The following NOL10 variants were observed in gnomAD, a reference collection of about 807,000 sequenced individuals.
The protein encoded by NOL10 is nucleolar protein 10.
A neutral mutation model predicts 103.5 loss-of-function variants in NOL10; 58 were observed. The observed-to-expected ratio is 0.56, with a 90% CI of 0.45 to 0.70. The LOEUF (loss-of-function observed/expected upper bound fraction) is 0.70. Among genes scored for constraint, NOL10 ranks in the 30% least tolerant of loss-of-function variants. The pLI is 0.00. For missense variants in NOL10, 763 were observed against 807.3 expected (o/e 0.95, Z 0.67); for synonymous variants, 287 against 282.5 (o/e 1.02, Z -0.16).
intron 4 of NOL10, among the ~76,000 whole-genome samples, chr2:10,674,242 AC>A (rs1366519645): frequency 1.3e-5 from 2 of 151,910 alleles, no homozygotes; most frequent in African/African-American, 4.8e-5. Context: ...AAAAAAAAAA[AC>A]AACAAAGGGT....
chr2:10,654,478 T>C lies in NOL10; in HGVS notation c.973+3A>G. On this transcript the variant is annotated splice_donor_region_variant and intron_variant, in intron 12 of 20. Coordinates refer to ENST00000381685, the MANE Select transcript of NOL10 (RefSeq NM_024894.4). ...CACTGAACGTTCACTACAGAATGCA[T>C]ACCTGAGTTGGGGTAGAGACAAACA... 1 of 1,584,570 alleles carries C rather than the reference T, an allele frequency of 6.3e-7. No individual in the cohort carries two copies. Among genetic ancestry groups the C allele is most frequent in the Non-Finnish European group, 8.6e-7 (1 of 1,163,046 alleles).
chr2:10,670,532 C>T lies in NOL10; in HGVS notation c.464+1022G>A, dbSNP rs753307049. The stretch of plus-strand genomic sequence containing the variant: ...GGTGGATCACCTGAGGTCAGGAGTT[C>T]GAGACCAGCCTGGCCAACAAGGTGA... On this transcript the variant is annotated intron_variant, in intron 6 of 20. Coordinates refer to ENST00000381685, the MANE Select transcript of NOL10 (RefSeq NM_024894.4). 1.3e-3 allele frequency among the ~76,000 whole-genome samples: 194 copies of T among 152,042 alleles called. 2 individuals are homozygous for T. The highest frequency in any genetic ancestry group is 3.7e-4 in the Non-Finnish European group (25 of 68,008).
chr2:10,603,032 T>C (rs1339506482), intron 15 of NOL10, 46 bp downstream of exon 15: 2 of 1,446,192 alleles, frequency 1.4e-6, no homozygotes, highest in Non-Finnish European at 1.9e-6. Context: ...GGCCACAGAC[T>C]GCGCATTAGT....
intron 13 of NOL10, among the ~76,000 whole-genome samples, chr2:10,616,071 C>T (rs1676818593): frequency 6.6e-6 from 1 of 152,118 alleles, no homozygotes; most frequent in Admixed American, 6.6e-5. Context: ...CAGCCCAAAC[C>T]CCTAACACCT....
At chr2:10,614,100 C>T (rs1425158454) in intron 13 of NOL10, among the ~76,000 whole-genome samples, 1 of 152,008 alleles carries the variant, frequency 6.6e-6, no homozygotes, top group Non-Finnish European at 1.5e-5. Flanking sequence ...GCTGGGACTA[C>T]AGGCATGCAC....
At chr2:10,582,678 C>T (rs1336750041) in intron 19 of NOL10, among the ~76,000 whole-genome samples, 1 of 152,178 alleles carries the variant, frequency 6.6e-6, no homozygotes. Flanking sequence ...TCTGAGGATG[C>T]ATACCTTGTC....
intron 20 of NOL10, among the ~76,000 whole-genome samples, chr2:10,575,857 T>A (rs76761022): frequency 0.21 from 31,804 of 152,134 alleles, 4,194 homozygotes; most frequent in Non-Finnish European, 0.3. Flanking sequence ...AGAAAATTGA[T>A]AAGAAATTAG....
At chr2:10,617,680 T>C (rs1458558164) in intron 13 of NOL10, among the ~76,000 whole-genome samples, 1 of 152,000 alleles carries the variant, frequency 6.6e-6, no homozygotes, top group Non-Finnish European at 1.5e-5. Flanking sequence ...CTTCACTAAG[T>C]CCAAACACTG....
At chr2:10,601,221 G>A (rs11686969) in intron 16 of NOL10, among the ~76,000 whole-genome samples, 89,537 of 151,548 alleles carry the variant, frequency 0.59, 27,426 homozygotes, top group African/African-American at 0.74. Context: ...CCGCCACAAC[G>A]TCTGGCTAAT....
intron 9 of NOL10, among the ~76,000 whole-genome samples, chr2:10,661,194 G>A (rs966181725): frequency 1.3e-5 from 2 of 152,152 alleles, no homozygotes; most frequent in Admixed American, 1.3e-4. Flanking sequence ...TCCTGCCTCA[G>A]CCTCCCAAGT....
intron 3 of NOL10, among the ~76,000 whole-genome samples, chr2:10,676,632 CTT>C (rs1159637295): frequency 6.9e-6 from 1 of 145,536 alleles, no homozygotes; most frequent in Admixed American, 7.0e-5. Context: ...AACTTTGGCA[CTT>C]TGTCTTTTTT....
At chr2:10,657,692 C>G in intron 11 of NOL10, 50 bp downstream of exon 11, 1 of 1,479,998 alleles carries the variant, frequency 6.8e-7, no homozygotes. Flanking sequence ...AAGGATCATT[C>G]GGAACACCTG....
In NOL10 at chr2:10,598,573, G is replaced by A. The variant is rs558143160; in HGVS notation, c.1422+2280C>T. On this transcript the variant is annotated intron_variant, in intron 17 of 20. Coordinates refer to ENST00000381685, the MANE Select transcript of NOL10 (RefSeq NM_024894.4). ...AGGAAAACAGCTGTGACAAGAAGAAGAAAAGTGTCCCAGTGGAAGTGACAC... is the reference window on the plus strand; with the variant it reads ...AGGAAAACAGCTGTGACAAGAAGAAAAAAAGTGTCCCAGTGGAAGTGACAC... Among the ~76,000 whole-genome samples the A allele has an allele frequency of 2.0e-5, 3 of 152,300 alleles. 1 individual carries two copies. The highest frequency in any genetic ancestry group is 2.0e-4 in the Admixed American group (3 of 15,296).
intron 17 of NOL10, among the ~76,000 whole-genome samples, chr2:10,595,158 G>GC (rs1675607073): frequency 1.1e-5 from 1 of 90,092 alleles, no homozygotes; most frequent in Admixed American, 1.4e-4. Flanking sequence ...GAGAGAGAGA[G>GC]AGAGAGAGAG....
chr2:10,675,696 A>G (rs968650377), intron 4 of NOL10, 98 bp downstream of exon 4: 13 of 667,150 alleles, frequency 1.9e-5, no homozygotes, highest in Non-Finnish European at 3.4e-5. Flanking sequence ...GTTATACAGC[A>G]ATAAAAAACT....
chr2:10,601,864 G>A (rs1675991669), intron 16 of NOL10, among the ~76,000 whole-genome samples: 2 of 152,116 alleles, frequency 1.3e-5, no homozygotes, highest in Non-Finnish European at 2.9e-5. Flanking sequence ...AGTACTGAGG[G>A]TAAATGCAGA....
rs956066233 is a variant in NOL10, at chr2:10,669,163, G to A, written c.465-440C>T. Among the ~76,000 whole-genome samples, 5 of 151,556 alleles carry A rather than the reference G, an allele frequency of 3.3e-5. No individual in the cohort carries two copies. In the East Asian group the frequency reaches 5.8e-4, roughly 18 times the overall value. On this transcript the variant is annotated intron_variant, in intron 6 of 20. Coordinates refer to ENST00000381685, the MANE Select transcript of NOL10 (RefSeq NM_024894.4). ...GCTGGAGTGCAATAGCGCAATCTCAGCTCACGGGCGCCACTCACTACACCC... is the reference window on the plus strand; with the variant it reads ...GCTGGAGTGCAATAGCGCAATCTCAACTCACGGGCGCCACTCACTACACCC...
Position 10,581,783 on chromosome 2 carries a change from T to C in NOL10, c.1845-4045A>G, listed in dbSNP as rs186300542. On this transcript the variant is annotated intron_variant, in intron 19 of 20. Coordinates refer to ENST00000381685, the MANE Select transcript of NOL10 (RefSeq NM_024894.4). ...CTGCAGTGAACCATGATTGCGCCTC[T>C]GCACTCCAGCCTGGGCGACAGTGTG... is the stretch of plus-strand genomic sequence containing the variant. Among the ~76,000 whole-genome samples the C allele has an allele frequency of 3.2e-4, 48 of 152,266 alleles. 1 individual carries two copies. The highest frequency in any genetic ancestry group is 1.1e-3 in the African/African-American group (46 of 41,530).
chr2:10,613,194 G>T (rs940171772), intron 13 of NOL10, among the ~76,000 whole-genome samples: 2 of 152,028 alleles, frequency 1.3e-5, no homozygotes, highest in South Asian at 2.1e-4. Flanking sequence ...TATGTTCCAA[G>T]TACAGTATAC....
Sources: gnomAD v4.1 joint callset for allele counts (sites outside exome capture counted in the v4.1 genomes callset) on GRCh38, gnomAD v4.1.1 for gene constraint, MANE v1.5 for transcripts, NCBI Gene and HGNC (gene_info 2026-07-23, HGNC 2026-07-21) for gene names.